TENM4: variants seen among roughly 807,000 people sequenced by gnomAD.
TENM4 encodes the protein teneurin transmembrane protein 4, also known as teneurin-4.
TENM4 carries 82 observed loss-of-function variants against 243.3 expected under a neutral mutation model. The observed-to-expected ratio is 0.34, with a 90% confidence interval of 0.28 to 0.40. The LOEUF (loss-of-function observed/expected upper bound fraction) is 0.40. Ranked by LOEUF, TENM4 falls within the 10% of genes least tolerant of loss-of-function variation. TENM4 has a pLI of 1.00. For synonymous variants in TENM4, 1,412 were observed against 1,456.3 expected (o/e 0.97, Z 0.69); for missense variants, 3,138 against 3,673.3 (o/e 0.85, Z 3.77).
chr11:79,070,978 A>T (rs1375947294), intron 4 of TENM4, among the ~76,000 whole-genome samples: 5 of 152,160 alleles, frequency 3.3e-5, no homozygotes, highest in Admixed American at 6.5e-5. Flanking sequence ...TGGGCAGCAC[A>T]GTGTCTGCCC....
At chr11:79,213,436 C>A (rs1178912581) in intron 3 of TENM4, among the ~76,000 whole-genome samples, 1 of 152,142 alleles carries the variant, frequency 6.6e-6, no homozygotes, top group African/African-American at 2.4e-5. Flanking sequence ...AATATACACA[C>A]CAGGTAGAGA....
chr11:79,163,297 AAATCCTATG>A (rs1862796851), intron 3 of TENM4, among the ~76,000 whole-genome samples: 1 of 152,148 alleles, frequency 6.6e-6, no homozygotes, highest in Non-Finnish European at 1.5e-5. Flanking sequence ...ATATTCATAA[AAATCCTATG>A]CTGTAAACTC....
chr11:79,392,260 G>A (rs1404320145), intron 1 of TENM4, among the ~76,000 whole-genome samples: 1 of 152,206 alleles, frequency 6.6e-6, no homozygotes, highest in Non-Finnish European at 1.5e-5. Context: ...GAAGTTCTGG[G>A]CAGAAACAGA....
rs115236919 is a variant in TENM4 at position 78,797,465 on chromosome 11, A to C, written c.2179+7827T>G. ...ACTTCATTCTGAAGCCCAATTTCAG[A>C]AGGGCTTATATTTGCATACTGAAGA... On this transcript the variant is annotated intron_variant, in intron 15 of 33. Coordinates refer to ENST00000278550, the MANE Select transcript of TENM4 (RefSeq NM_001098816.3). Among the ~76,000 whole-genome samples, 897 of 152,330 alleles carry C rather than the reference A, an allele frequency of 5.9e-3. 10 individuals are homozygous for C. The highest frequency in any genetic ancestry group is 0.02 in the African/African-American group (845 of 41,558).
rs1858865396 is a variant in TENM4, at chr11:78,863,104, G to T, written c.1113C>A (p.His371Gln). ...ACATCTGCCCCTCCATCGGCTGCAGGTGCCAGTTTAGGCCAAACAGGTGCA... is the reference window on the plus strand; with the variant it reads ...ACATCTGCCCCTCCATCGGCTGCAGTTGCCAGTTTAGGCCAAACAGGTGCA... Reference protein sequence around the residue: ...VAMHLFGLNWHLQPMEGQMYE... With the variant: ...VAMHLFGLNWQLQPMEGQMYE... Residue 371 changes from histidine to glutamine, a missense_variant, in exon 10 of 34, where the codon CAC becomes CAA. By Grantham distance (24) the His-to-Gln change is conservative. Transcript: ENST00000278550. The T allele has an allele frequency of 6.5e-7, 1 of 1,529,832 alleles. No homozygotes were observed. The highest frequency in any genetic ancestry group is 8.8e-7 in the Non-Finnish European group (1 of 1,130,774). 94.8% of individuals were successfully genotyped at this position (1,529,832 alleles called of 1,614,324 possible). A position where few individuals can be genotyped will look rare whatever the true frequency, so the allele number is the denominator to read the frequency against.
intron 3 of TENM4, among the ~76,000 whole-genome samples, chr11:79,199,924 C>T (rs1863705916): frequency 6.6e-6 from 1 of 152,168 alleles, no homozygotes; most frequent in Non-Finnish European, 1.5e-5. Context: ...GGGGTTGGCA[C>T]CCAGCATTCT....
chr11:79,307,706 C>T (rs897459749), intron 1 of TENM4, among the ~76,000 whole-genome samples: 17 of 152,178 alleles, frequency 1.1e-4, no homozygotes, highest in Admixed American at 2.6e-4. Flanking sequence ...CTCCATTCTG[C>T]GTGACCCTGG....
At chr11:79,428,999 G>A (rs1473513889) in intron 1 of TENM4, among the ~76,000 whole-genome samples, 1 of 152,178 alleles carries the variant, frequency 6.6e-6, no homozygotes, top group African/African-American at 2.4e-5. Context: ...GTGGGGGCAT[G>A]GTGCTAGTCT....
At chr11:78,839,460 G>A (rs1350806460) in intron 12 of TENM4, among the ~76,000 whole-genome samples, 1 of 152,032 alleles carries the variant, frequency 6.6e-6, no homozygotes, top group Admixed American at 6.5e-5. Flanking sequence ...CAGGTATATG[G>A]GAAATCTATT....
intron 6 of TENM4, among the ~76,000 whole-genome samples, chr11:78,968,147 T>G (rs773133352): frequency 5.3e-5 from 8 of 152,248 alleles, no homozygotes; most frequent in Non-Finnish European, 1.2e-4. Context: ...TCTATACTCA[T>G]GCTCTCTGTC....
At chr11:79,249,222 A>G (rs1855569793) in intron 2 of TENM4, among the ~76,000 whole-genome samples, 1 of 152,174 alleles carries the variant, frequency 6.6e-6, no homozygotes, top group Admixed American at 6.5e-5. Flanking sequence ...CCTCACATAA[A>G]CTATAGAGAT....
chr11:78,702,271 A>C lies in TENM4; in HGVS notation c.4342T>G (p.Cys1448Gly). Residue 1448 changes from cysteine (C) to glycine (G), a missense_variant, in exon 28 of 34, where the codon TGC becomes GGC. Around this residue, in one of 2 missense-constraint regions of TENM4, gnomAD observed 2,467 missense variants for 3,059.1 expected, o/e 0.81. Transcript: ENST00000278550. The part of the protein sequence containing the change: ...VRIVAGRPMH[C>G]QVPGIDHFLL... ...AAGTGGTCAATGCCAGGGACCTGGC[A>C]GTGCATGGGCCTCCCGGCGACAATG... 6.2e-7 allele frequency: 1 copy of C among 1,614,052 alleles called. No homozygotes were observed. The highest frequency in any genetic ancestry group is 8.5e-7 in the Non-Finnish European group (1 of 1,179,898).
chr11:78,669,817 TAC>T lies in TENM4; in HGVS notation c.6526_6527del (p.Val2176SerfsTer19). On this transcript the variant is annotated frameshift_variant, in exon 32 of 34. Coordinates refer to ENST00000278550, the MANE Select transcript of TENM4 (RefSeq NM_001098816.3). LOFTEE classifies it high-confidence loss of function. The surrounding 1 kb of genome is among the most constrained non-coding windows in gnomAD (Gnocchi z 6.4). ...GTCCTACCTTCAGCTCCTTCTTCACTACTCGCCCCATGTTATCATACTGGACG... is the reference window on the plus strand; with the variant it reads ...GTCCTACCTTCAGCTCCTTCTTCACTTCGCCCCATGTTATCATACTGGACG... ...MTVQYDNMGR[V>X]VKKELKVGPY... 1 of 1,613,898 alleles carries T rather than the reference TAC, an allele frequency of 6.2e-7. No individual in the cohort carries two copies. The highest frequency in any genetic ancestry group is 8.5e-7 in the Non-Finnish European group (1 of 1,179,864).
chr11:78,940,827 C>T (rs1442083766), intron 6 of TENM4, among the ~76,000 whole-genome samples: 3 of 152,172 alleles, frequency 2.0e-5, no homozygotes, highest in Non-Finnish European at 4.4e-5. Context: ...GGGAGATTAT[C>T]TTTCTGACAA....
rs571272203 is a variant in TENM4 at position 78,934,399 on chromosome 11, G to A, written c.494-30876C>T. 3.8e-5 allele frequency among the ~76,000 whole-genome samples: 4 copies of A among 105,624 alleles called. No homozygotes were observed. In the East Asian group the frequency reaches 1.4e-3, roughly 38 times the overall value. The allele number at this position is 105,624 out of a possible 152,430, so 69.3% of individuals were successfully genotyped here. A position where few individuals can be genotyped will look rare whatever the true frequency, so the allele number is the denominator to read the frequency against. ...CTATGTGATGAGCGAAGGATTCTCAGGGAAACATGAATCATGTGGGATCTT... is the reference window on the plus strand; with the variant it reads ...CTATGTGATGAGCGAAGGATTCTCAAGGAAACATGAATCATGTGGGATCTT... On this transcript the variant is annotated intron_variant, in intron 6 of 33. Coordinates refer to ENST00000278550, the MANE Select transcript of TENM4 (RefSeq NM_001098816.3).
intron 6 of TENM4, among the ~76,000 whole-genome samples, chr11:78,947,769 G>T (rs995444268): frequency 6.6e-6 from 1 of 151,996 alleles, no homozygotes; most frequent in Admixed American, 6.5e-5. Flanking sequence ...TATTTCTGGG[G>T]TGGAGCTCCC....
chr11:78,954,026 T>G (rs1309260642), intron 6 of TENM4, among the ~76,000 whole-genome samples: 3 of 152,248 alleles, frequency 2.0e-5, no homozygotes, highest in Non-Finnish European at 4.4e-5. Flanking sequence ...GAGGGAATTT[T>G]TTTTAGTTGT....
chr11:78,842,508 C>T (rs1858283062), intron 12 of TENM4, among the ~76,000 whole-genome samples: 1 of 152,250 alleles, frequency 6.6e-6, no homozygotes, highest in Admixed American at 6.5e-5. Flanking sequence ...ACTTAAAAAC[C>T]ATCCTGTGCT....
chr11:78,658,924 C>T (rs1590917473), intron 33 of TENM4, 108 bp from the exon 34 acceptor site: 4 of 1,305,558 alleles, frequency 3.1e-6, no homozygotes, highest in Non-Finnish European at 4.2e-6. Context: ...TATTTATTAA[C>T]CTGCGGCATG....
Sources: gnomAD v4.1 joint callset for allele counts (sites outside exome capture counted in the v4.1 genomes callset) on GRCh38, gnomAD v4.1.1 for gene constraint, gnomAD v4.1.1 regional missense constraint, Gnocchi (gnomAD v3.1) non-coding constraint, MANE v1.5 for transcripts, NCBI Gene and HGNC (gene_info 2026-07-23, HGNC 2026-07-21) for gene names.